The following TRMT13 variants were observed in gnomAD, a reference collection of about 807,000 sequenced individuals.
TRMT13 encodes the protein tRNA:m(4)X modification enzyme TRM13 homolog.
In TRMT13, 45 loss-of-function variants were observed where a neutral mutation model predicts 55.9. That is an observed-to-expected ratio of 0.80 (90% CI 0.63 to 1.03). The LOEUF (loss-of-function observed/expected upper bound fraction) is 1.03, where lower values mean the gene tolerates loss of function less well. Among genes scored for constraint, TRMT13 ranks in the 50% least tolerant of loss-of-function variants. The pLI, the probability that TRMT13 is intolerant of heterozygous loss-of-function variation, is 0.00. For synonymous variants in TRMT13, 183 were observed against 196.3 expected (o/e 0.93, Z 0.57); for missense variants, 513 against 563.9 (o/e 0.91, Z 0.91).
At chr1:100,143,512 C>G (rs766056054) in intron 8 of TRMT13, among the ~76,000 whole-genome samples, 4 of 152,116 alleles carry the variant, frequency 2.6e-5, no homozygotes, top group Non-Finnish European at 5.9e-5. Context: ...TGAGTCTGTT[C>G]AAACTATAAA....
Position 100,143,981 on chromosome 1 carries a change from C to T in TRMT13, c.743-88C>T. ...TTTGAGTCTCTTTCAGGCTAAAATT[C>T]AGAGACTCTAATTAGTTCTTTCTTT... On this transcript the variant is annotated intron_variant, in intron 8 of 10. Coordinates refer to ENST00000370141, the MANE Select transcript of TRMT13 (RefSeq NM_019083.3). 7.2e-6 allele frequency: 8 copies of T among 1,109,872 alleles called. No individual in the cohort carries two copies. In the South Asian group the frequency reaches 1.1e-4, roughly 15 times the overall value. 68.8% of individuals were successfully genotyped at this position (1,109,872 alleles called of 1,614,324 possible). A position where few individuals can be genotyped will look rare whatever the true frequency, so the allele number is the denominator to read the frequency against.
At chr1:100,138,152 A>G (rs1656125697) in intron 3 of TRMT13, among the ~76,000 whole-genome samples, 1 of 152,218 alleles carries the variant, frequency 6.6e-6, no homozygotes, top group South Asian at 2.1e-4. Flanking sequence ...GCAAAGCAGT[A>G]TTTATCTGGT....
chr1:100,149,257 A>G lies in TRMT13; in HGVS notation c.*437A>G. On this transcript the variant is annotated 3_prime_UTR_variant, in exon 11 of 11. Coordinates refer to ENST00000370141, the MANE Select transcript of TRMT13 (RefSeq NM_019083.3). The stretch of plus-strand genomic sequence containing the variant: ...GGGCCAATCTGAGAATTTGACTTAT[A>G]TGTGGACATTTTTCCCTACAGATCT... The G allele has an allele frequency of 6.6e-7, 1 of 1,515,288 alleles. No homozygotes were observed. Among genetic ancestry groups the G allele is most frequent in the East Asian group, 2.5e-5 (1 of 39,736 alleles). 93.9% of individuals were successfully genotyped at this position (1,515,288 alleles called of 1,614,324 possible).
Position 100,133,189 on chromosome 1 carries a change from G to T in TRMT13, c.21G>T (p.Ser7=). Reference sequence around the variant, plus strand: ...GAATTATGGCGACCTCCGCGACGTCGCCGCACGCGCCTGGTTTTCCAGCTG... The same window carrying T: ...GAATTATGGCGACCTCCGCGACGTCTCCGCACGCGCCTGGTTTTCCAGCTG... MATSAT[S]PHAPGFPAEG... is the part of the protein sequence containing the mutation. The change falls in exon 1 of 11, where the codon TCG becomes TCT. Residue 7 remains serine, a synonymous_variant. Coordinates refer to ENST00000370141, the MANE Select transcript of TRMT13 (RefSeq NM_019083.3). 6.2e-7 allele frequency: 1 copy of T among 1,614,188 alleles called. No homozygotes were observed.
chr1:100,148,105 A>C lies in TRMT13; in HGVS notation c.1029A>C (p.Arg343Ser). 1 of 1,614,202 alleles carries C rather than the reference A, an allele frequency of 6.2e-7. No individual in the cohort carries two copies. The highest frequency in any genetic ancestry group is 1.3e-5 in the African/African-American group (1 of 75,054). ...ALCCHHRCDWRHYVGKEYFRA... is the reference protein window; with the variant it reads ...ALCCHHRCDWSHYVGKEYFRA... The stretch of plus-strand genomic sequence containing the variant: ...GTTGTCACCACAGGTGTGATTGGAG[A>C]CATTATGTGGGCAAAGAATATTTCA... The change falls in exon 10 of 11, where the codon AGA becomes AGC. Residue 343 changes from arginine to serine, a missense_variant. Around this residue, in one of 3 missense-constraint regions of TRMT13, gnomAD observed 209 missense variants for 255.8 expected, o/e 0.82. Transcript: ENST00000370141.
In TRMT13 at chr1:100,150,476, TAAAC is replaced by T. The variant is rs1692218435; in HGVS notation, c.*1659_*1662del. The T allele has an allele frequency of 6.6e-6, 1 of 152,160 alleles. No homozygotes were observed. The highest frequency in any genetic ancestry group is 1.5e-5 in the Non-Finnish European group (1 of 68,028). 9.4% of individuals were successfully genotyped at this position (152,160 alleles called of 1,614,324 possible). On this transcript the variant is annotated 3_prime_UTR_variant, in exon 11 of 11. Transcript: ENST00000370141. ...TCATTCAACAATTTATGCCCAGAAA[TAAAC>T]AATATTCTACAACAGGCATAATCTC...
intron 9 of TRMT13, among the ~76,000 whole-genome samples, chr1:100,145,717 A>G (rs565084624): frequency 6.6e-6 from 1 of 152,256 alleles, no homozygotes; most frequent in African/African-American, 2.4e-5. Flanking sequence ...CCATCTCTAC[A>G]GAAATTTGTT....
Position 100,137,052 on chromosome 1 carries a change from GAAAAAAT to G in TRMT13, c.229_235del (p.Lys77ValfsTer20). 1 of 1,611,644 alleles carries G rather than the reference GAAAAAAT, an allele frequency of 6.2e-7. No individual in the cohort carries two copies. The highest frequency in any genetic ancestry group is 8.5e-7 in the Non-Finnish European group (1 of 1,179,376). ...ATGAAGATCAACTAGCAAAGCATTT[GAAAAAAT>G]GTAACTCAAGAGAGAAACCAAAACC... On this transcript the variant is annotated frameshift_variant, in exon 3 of 11. Transcript: ENST00000370141. LOFTEE classifies it high-confidence loss of function.
intron 9 of TRMT13, among the ~76,000 whole-genome samples, chr1:100,146,545 G>A (rs1034037967): frequency 4.6e-5 from 7 of 150,778 alleles, no homozygotes; most frequent in Admixed American, 2.6e-4. Context: ...TCGCTCTGTC[G>A]CCCAGACTGG....
Position 100,149,566 on chromosome 1 carries a change from T to G in TRMT13, c.*746T>G. On this transcript the variant is annotated 3_prime_UTR_variant, in exon 11 of 11. Coordinates refer to ENST00000370141, the MANE Select transcript of TRMT13 (RefSeq NM_019083.3). ...TAATTTCTGAAGTTGATTAGCTATC[T>G]CATATCTTTTATCAGGTCATTTTTT... 2 of 808,846 alleles carry G rather than the reference T, an allele frequency of 2.5e-6. No homozygotes were observed. The highest frequency in any genetic ancestry group is 4.1e-5 in the South Asian group (2 of 48,480). The allele number at this position is 808,846 out of a possible 1,614,324, so 50.1% of individuals were successfully genotyped here.
chr1:100,143,038 G>C, intron 7 of TRMT13, 99 bp from the exon 8 acceptor site: 1 of 718,374 alleles, frequency 1.4e-6, no homozygotes, highest in South Asian at 1.9e-5. Flanking sequence ...AATATGTTCT[G>C]TTGCTCTGAA....
chr1:100,140,187 A>G lies in TRMT13; in HGVS notation c.330A>G (p.Pro110=). Residue 110 remains proline (P), a synonymous_variant, in exon 5 of 11, where the codon CCA becomes CCG. Transcript: ENST00000370141. ...AGTTTTATTTTTGTATATAGGTTCC[A>G]ATTTCTTCTCTATCTGAAGAGCAGT... is the stretch of plus-strand genomic sequence containing the variant. ...DETEIPEQLV[P]ISSLSEEQLE... is the part of the protein sequence containing the mutation. 1.2e-6 allele frequency: 2 copies of G among 1,608,476 alleles called. No homozygotes were observed. Among genetic ancestry groups the G allele is most frequent in the East Asian group, 2.2e-5 (1 of 44,804 alleles).
chr1:100,139,877 A>T (rs1570736521), intron 4 of TRMT13, among the ~76,000 whole-genome samples, 166 bp downstream of exon 4: 1 of 152,248 alleles, frequency 6.6e-6, no homozygotes, highest in East Asian at 1.9e-4. Context: ...GACCCAGACC[A>T]GCTCATGCCC....
chr1:100,148,556 G>A, intron 10 of TRMT13, 69 bp from the exon 11 acceptor site: 1 of 1,415,444 alleles, frequency 7.1e-7, no homozygotes, highest in Non-Finnish European at 9.7e-7. Context: ...AATAAATAGT[G>A]ACAAAAATAA....
At chr1:100,142,692 G>A (rs560123996) in intron 7 of TRMT13, among the ~76,000 whole-genome samples, 4 of 152,100 alleles carry the variant, frequency 2.6e-5, no homozygotes, top group African/African-American at 9.6e-5. Context: ...TTGAGTATGT[G>A]TCTGATGCCC....
rs370908692 is a variant in TRMT13 at position 100,140,227 on chromosome 1, A to G, written c.370A>G (p.Lys124Glu). The G allele has an allele frequency of 6.8e-6, 11 of 1,612,718 alleles. No homozygotes were observed. Among genetic ancestry groups the G allele is most frequent in the Non-Finnish European group, 9.3e-6 (11 of 1,179,464 alleles). ...TGAAGAGCAGTTGGAAAAGTTAATT[A>G]AGAAATTGAGAAAAGCAAGTGAAGG... ...LSEEQLEKLI[K>E]KLRKASEGLN... The change falls in exon 5 of 11, where the codon AAG becomes GAG. Residue 124 changes from lysine (K) to glutamate (E), a missense_variant. This residue lies in a region of TRMT13 where 298 missense variants were observed against 290.3 expected (regional missense o/e 1.03). Coordinates refer to ENST00000370141, the MANE Select transcript of TRMT13 (RefSeq NM_019083.3).
intron 4 of TRMT13, 68 bp from the exon 5 acceptor site, chr1:100,140,114 C>T: frequency 1.9e-6 from 2 of 1,025,716 alleles, no homozygotes; most frequent in East Asian, 2.6e-5. Flanking sequence ...TAAACCTCTA[C>T]TCAGTCTCTG....
rs574661574 is a variant in TRMT13 at position 100,148,820 on chromosome 1, A to G, written c.1446A>G (p.Ter482=). The G allele has an allele frequency of 3.0e-5, 44 of 1,452,404 alleles. No individual in the cohort carries two copies. In the South Asian group the frequency reaches 7.3e-4, roughly 24 times the overall value. 90.0% of individuals were successfully genotyped at this position (1,452,404 alleles called of 1,614,324 possible). A position where few individuals can be genotyped will look rare whatever the true frequency, so the allele number is the denominator to read the frequency against. The part of the protein sequence containing the change: ...NHSSSPETTA[*] ...CTTCATCACCAGAAACAACTGCTTA[A>G]TGGAAAAGAAATTTGAGCATCATCT... The change falls in exon 11 of 11, where the codon TAA becomes TAG. Residue 482 remains the stop codon, a stop_retained_variant. Coordinates refer to ENST00000370141, the MANE Select transcript of TRMT13 (RefSeq NM_019083.3).
chr1:100,148,048 G>A lies in TRMT13; in HGVS notation c.972G>A (p.Trp324Ter). 1 of 1,614,194 alleles carries A rather than the reference G, an allele frequency of 6.2e-7. No homozygotes were observed. The highest frequency in any genetic ancestry group is 2.2e-5 in the East Asian group (1 of 44,888). ...ATGAAAAAAATGTCCCAGAGAAGTG[G>A]AACCCTGTGGCTGGCATTGTTATTG... ...EGNEKNVPEKWNPVAGIVIAL... is the reference protein window; with the variant it reads ...EGNEKNVPEK Residue 324 changes from tryptophan to a stop codon, truncating the protein, a stop_gained, in exon 10 of 11, where the codon TGG becomes TGA. Transcript: ENST00000370141. LOFTEE classifies it high-confidence loss of function.
Sources: allele counts gnomAD v4.1 joint callset (sites outside exome capture counted in the v4.1 genomes callset), GRCh38; gene constraint gnomAD v4.1.1; regional missense constraint gnomAD v4.1.1; transcripts MANE v1.5; gene names NCBI Gene and HGNC (gene_info 2026-07-23, HGNC 2026-07-21).